Variants in UNC13C observed in about 807,000 individuals in gnomAD.
UNC13C encodes protein unc-13 homolog C.
A neutral mutation model predicts 245.4 loss-of-function variants in UNC13C; 174 were observed. That is an observed-to-expected ratio of 0.71 (90% confidence interval 0.63 to 0.80). The LOEUF is 0.80. Ranked by LOEUF, UNC13C falls within the 30% of genes least tolerant of loss-of-function variation. The pLI is 0.00. For missense variants in UNC13C, 2,829 were observed against 2,602.9 expected (o/e 1.09, Z -1.89); for synonymous variants, 992 against 895.1 (o/e 1.11, Z -1.93).
At position 54,143,051 on chromosome 15, in the gene UNC13C, A is replaced by T. The variant is rs753627747; in HGVS notation, c.3006+11A>T. ...TCTGTGGATGAAAAGGTTTTAAATCATACTTATTCTTCCCTCCTGAGGAAT... is the reference window on the plus strand; with the variant it reads ...TCTGTGGATGAAAAGGTTTTAAATCTTACTTATTCTTCCCTCCTGAGGAAT... On this transcript the variant is annotated intron_variant, in intron 3 of 32. Transcript: ENST00000260323. 2 of 1,609,452 alleles carry T rather than the reference A, an allele frequency of 1.2e-6. No homozygotes were observed. The highest frequency in any genetic ancestry group is 2.2e-5 in the South Asian group (2 of 91,016).
At chr15:54,081,500 T>C (rs1166368434) in intron 2 of UNC13C, among the ~76,000 whole-genome samples, 1 of 152,136 alleles carries the variant, frequency 6.6e-6, no homozygotes, top group Non-Finnish European at 1.5e-5. Context: ...TTAGGATAGT[T>C]AAATTTTCTT....
At position 54,564,026 on chromosome 15, in the gene UNC13C, C is replaced by G. The variant is rs183412198; in HGVS notation, c.5959-3774C>G. 2.6e-5 allele frequency among the ~76,000 whole-genome samples: 4 copies of G among 152,108 alleles called. No homozygotes were observed. In the East Asian group the frequency reaches 7.8e-4, roughly 29 times the overall value. ...GGTTTTCATAAAGTAGAATTCTCGT[C>G]AAGTTTGCATTTGCATAACCATAGA... On this transcript the variant is annotated intron_variant, in intron 29 of 32. Coordinates refer to ENST00000260323, the MANE Select transcript of UNC13C (RefSeq NM_001080534.3).
At chr15:54,311,055 A>G (rs1251664971) in intron 13 of UNC13C, among the ~76,000 whole-genome samples, 1 of 151,732 alleles carries the variant, frequency 6.6e-6, no homozygotes, top group African/African-American at 2.4e-5. Flanking sequence ...ACCTTCCTTA[A>G]TTTAGCATGC....
intron 2 of UNC13C, among the ~76,000 whole-genome samples, chr15:54,078,660 C>T (rs1424096748): frequency 6.6e-6 from 1 of 152,034 alleles, no homozygotes; most frequent in African/African-American, 2.4e-5. Flanking sequence ...CCTTTGTCCA[C>T]CTTTTAATGG....
chr15:54,258,366 T>G (rs2036334815), intron 8 of UNC13C, among the ~76,000 whole-genome samples: 1 of 151,986 alleles, frequency 6.6e-6, no homozygotes, highest in African/African-American at 2.4e-5. Flanking sequence ...TAATGTGAAA[T>G]TATTATTATT....
intron 19 of UNC13C, among the ~76,000 whole-genome samples, chr15:54,440,499 A>G (rs1472384531): frequency 6.6e-6 from 1 of 151,932 alleles, no homozygotes; most frequent in Admixed American, 6.6e-5. Flanking sequence ...ATTATTTTTT[A>G]TGGCTGAGTA....
chr15:54,377,443 A>G (rs1009542446), intron 17 of UNC13C, among the ~76,000 whole-genome samples: 4 of 152,334 alleles, frequency 2.6e-5, no homozygotes, highest in South Asian at 2.1e-4. Context: ...GTGAACAGCT[A>G]TTCAGCCTCT....
At chr15:54,372,601 T>C (rs1330073679) in intron 17 of UNC13C, among the ~76,000 whole-genome samples, 1 of 152,232 alleles carries the variant, frequency 6.6e-6, no homozygotes, top group East Asian at 1.9e-4. Flanking sequence ...GTTTTTAAAT[T>C]GGTATATATG....
chr15:53,897,868 C>T, the UNC13C span, among the ~76,000 whole-genome samples: 5 of 152,114 alleles, frequency 3.3e-5, no homozygotes, highest in Admixed American at 1.3e-4. Flanking sequence ...GAGAATGCCC[C>T]GACCGCCTTC....
chr15:54,390,129 T>C lies in UNC13C; in HGVS notation c.4714-2919T>C, dbSNP rs116813841. Among the ~76,000 whole-genome samples, 1,320 of 152,350 alleles carry C rather than the reference T, an allele frequency of 8.7e-3. 25 individuals carry two copies. Among genetic ancestry groups the C allele is most frequent in the African/African-American group, 0.03 (1,249 of 41,578 alleles). ...TTACATGTTTATTGAATGAATACAT[T>C]GAATGCCACAGAAATATTTTATAAC... On this transcript the variant is annotated intron_variant, in intron 17 of 32. Transcript: ENST00000260323.
chr15:54,126,877 C>T (rs1567034067), intron 2 of UNC13C, among the ~76,000 whole-genome samples: 1 of 152,070 alleles, frequency 6.6e-6, no homozygotes, highest in Non-Finnish European at 1.5e-5. Context: ...AAAACAACCC[C>T]ATCAAAGAGT....
chr15:54,044,391 G>C (rs1173935553), intron 2 of UNC13C: 1 of 297,596 alleles, frequency 3.4e-6, no homozygotes, highest in African/African-American at 2.2e-5. Flanking sequence ...ATGAATATTT[G>C]TGTACAGGTT....
the UNC13C span, among the ~76,000 whole-genome samples, chr15:53,922,823 T>A: frequency 3.9e-5 from 6 of 152,240 alleles, no homozygotes; most frequent in Non-Finnish European, 7.3e-5. Flanking sequence ...ACATTTAATC[T>A]TTCTGTGTCT....
At chr15:53,950,675 C>G in the UNC13C span, among the ~76,000 whole-genome samples, 18 of 152,110 alleles carry the variant, frequency 1.2e-4, no homozygotes, top group African/African-American at 4.3e-4. Context: ...TTCTGTAAGA[C>G]AGTAAACCAA....
At chr15:54,128,074 G>T (rs1395520118) in intron 2 of UNC13C, among the ~76,000 whole-genome samples, 1 of 152,018 alleles carries the variant, frequency 6.6e-6, no homozygotes, top group Admixed American at 6.6e-5. Flanking sequence ...TAAAGTCTCA[G>T]GATATAAAAT....
At chr15:54,163,088 C>T (rs893973175) in intron 4 of UNC13C, among the ~76,000 whole-genome samples, 9 of 152,070 alleles carry the variant, frequency 5.9e-5, no homozygotes, top group African/African-American at 1.2e-4. Context: ...TGTTACCTTA[C>T]GTGGCAAAAG....
intron 28 of UNC13C, among the ~76,000 whole-genome samples, chr15:54,554,196 A>G (rs73403823): frequency 0.037 from 5,651 of 152,112 alleles, 318 homozygotes; most frequent in African/African-American, 0.13. Context: ...AACAACTGCC[A>G]AAATAGACAC....
chr15:54,419,142 A>G (rs1255162068), intron 19 of UNC13C, among the ~76,000 whole-genome samples: 2 of 152,182 alleles, frequency 1.3e-5, no homozygotes, highest in African/African-American at 4.8e-5. Context: ...TACACCTTTG[A>G]CCATCTACTA....
intron 19 of UNC13C, among the ~76,000 whole-genome samples, chr15:54,433,571 A>T (rs964289465): frequency 1.3e-5 from 2 of 152,140 alleles, no homozygotes; most frequent in African/African-American, 2.4e-5. Flanking sequence ...CTAGGTATTG[A>T]TGGAACATAT....
Sources: allele counts gnomAD v4.1 joint callset (sites outside exome capture counted in the v4.1 genomes callset), GRCh38; gene constraint gnomAD v4.1.1; transcripts MANE v1.5; gene names NCBI Gene and HGNC (gene_info 2026-07-23, HGNC 2026-07-21).